Variants in AGBL4 observed in about 807,000 individuals in gnomAD.
The protein encoded by AGBL4 is cytosolic carboxypeptidase 6.
A neutral mutation model predicts 66.4 loss-of-function variants in AGBL4; 58 were observed. That is an observed-to-expected ratio of 0.87 (90% confidence interval 0.71 to 1.09). The LOEUF (loss-of-function observed/expected upper bound fraction) is 1.09, where lower values mean the gene tolerates loss of function less well. Among genes scored for constraint, AGBL4 ranks in the 50% least tolerant of loss-of-function variants. The probability of loss-of-function intolerance (pLI) is 0.00; values close to 1 mark genes in which losing one functional copy is unlikely to be tolerated. For synonymous variants in AGBL4, 234 were observed against 222.9 expected, an observed-to-expected ratio of 1.05 and a Z score of -0.44; for missense variants, 579 against 631.0, an observed-to-expected ratio of 0.92 and a Z score of 0.88.
chr1:49,176,515 C>T (rs1646834580), intron 4 of AGBL4, among the ~76,000 whole-genome samples: 1 of 152,108 alleles, frequency 6.6e-6, no homozygotes, highest in Non-Finnish European at 1.5e-5. Context: ...TCCCTGAAGT[C>T]ATAAAATAGT....
chr1:49,544,988 ACTAT>A (rs1226294546), intron 3 of AGBL4, among the ~76,000 whole-genome samples: 2 of 152,282 alleles, frequency 1.3e-5, no homozygotes, highest in Non-Finnish European at 2.9e-5. Context: ...TATGTTCCTA[ACTAT>A]CTAATATTCC....
chr1:49,508,340 C>T (rs1648884808), intron 3 of AGBL4, among the ~76,000 whole-genome samples: 1 of 151,818 alleles, frequency 6.6e-6, no homozygotes, highest in Admixed American at 6.6e-5. Context: ...TATGTAATTT[C>T]AGAAAGATAA....
chr1:48,898,553 A>G (rs527893133), intron 5 of AGBL4, among the ~76,000 whole-genome samples: 1 of 152,324 alleles, frequency 6.6e-6, no homozygotes, highest in South Asian at 2.1e-4. Flanking sequence ...CATTTATTGA[A>G]AAGACCATCC....
At chr1:49,849,529 A>G (rs1382722096) in intron 2 of AGBL4, among the ~76,000 whole-genome samples, 1 of 151,520 alleles carries the variant, frequency 6.6e-6, no homozygotes, top group Non-Finnish European at 1.5e-5. Flanking sequence ...TAAGATGGAT[A>G]GTAGGTATCA....
intron 4 of AGBL4, among the ~76,000 whole-genome samples, chr1:49,099,922 T>C (rs1645170541): frequency 6.6e-6 from 1 of 152,188 alleles, no homozygotes; most frequent in Non-Finnish European, 1.5e-5. Context: ...CTTTAATATA[T>C]GCACACAAGC....
At chr1:49,395,802 T>C (rs964711299) in intron 3 of AGBL4, among the ~76,000 whole-genome samples, 2 of 128,372 alleles carry the variant, frequency 1.6e-5, no homozygotes, top group Admixed American at 8.7e-5. Flanking sequence ...TATATATACA[T>C]ATATATATGT....
At chr1:49,540,114 A>G (rs912228140) in intron 3 of AGBL4, among the ~76,000 whole-genome samples, 44 of 152,238 alleles carry the variant, frequency 2.9e-4, no homozygotes, top group African/African-American at 1.0e-3. Flanking sequence ...ATTACAAGAC[A>G]GGAAAAATGT....
intron 3 of AGBL4, among the ~76,000 whole-genome samples, chr1:49,293,251 GCTCA>G (rs1408351959): frequency 6.6e-6 from 1 of 152,178 alleles, no homozygotes; most frequent in East Asian, 1.9e-4. Context: ...CGGACTCCAT[GCTCA>G]CTCACTCACA....
In AGBL4 at chr1:49,998,838, G is replaced by T. The variant is rs142788365; in HGVS notation, c.34+24925C>A. On this transcript the variant is annotated intron_variant, in intron 1 of 13. Coordinates refer to ENST00000371839, the MANE Select transcript of AGBL4 (RefSeq NM_032785.4). ...ACAGAATTAAAAACAAAAATCACAT[G>T]ATTATCTCGATAGATGCAGAAAAAG... Among the ~76,000 whole-genome samples the T allele has an allele frequency of 4.3e-3, 650 of 152,236 alleles. 6 individuals are homozygous for T. Among genetic ancestry groups the T allele is most frequent in the African/African-American group, 0.015 (631 of 41,540 alleles).
intron 2 of AGBL4, among the ~76,000 whole-genome samples, chr1:49,724,988 T>C (rs1049114108): frequency 2.2e-5 from 3 of 134,920 alleles, no homozygotes; most frequent in Non-Finnish European, 3.2e-5. Flanking sequence ...AATGAAGAAA[T>C]GAGGAAAGGA....
chr1:49,485,762 A>G (rs1647053612), intron 3 of AGBL4, among the ~76,000 whole-genome samples: 1 of 151,910 alleles, frequency 6.6e-6, no homozygotes, highest in Non-Finnish European at 1.5e-5. Context: ...GTGAGAACTA[A>G]AAATTAAAAC....
intron 3 of AGBL4, among the ~76,000 whole-genome samples, chr1:49,540,658 T>C (rs1651940923): frequency 6.6e-6 from 1 of 152,174 alleles, no homozygotes; most frequent in Admixed American, 6.5e-5. Context: ...ATATATATTG[T>C]TTTCCTTAAT....
intron 3 of AGBL4, among the ~76,000 whole-genome samples, chr1:49,426,136 T>C (rs1645653584): frequency 1.3e-5 from 2 of 152,202 alleles, no homozygotes; most frequent in Admixed American, 1.3e-4. Context: ...TAAACGCATA[T>C]TGAAATATTT....
chr1:49,330,153 G>C (rs986901431), intron 3 of AGBL4, among the ~76,000 whole-genome samples: 1 of 152,088 alleles, frequency 6.6e-6, no homozygotes, highest in Admixed American at 6.5e-5. Context: ...TGGTGGCTTC[G>C]CACCTGTAAT....
intron 6 of AGBL4, among the ~76,000 whole-genome samples, chr1:48,787,765 G>A (rs965848507): frequency 1.3e-5 from 2 of 152,166 alleles, no homozygotes; most frequent in African/African-American, 4.8e-5. Flanking sequence ...TAAGGGCGAG[G>A]CATTTTTTTG....
intron 1 of AGBL4, among the ~76,000 whole-genome samples, chr1:49,855,993 T>C (rs1646422867): frequency 6.6e-6 from 1 of 151,856 alleles, no homozygotes; most frequent in Non-Finnish European, 1.5e-5. Context: ...GATAAACTGC[T>C]AGCTAGCTAA....
chr1:48,716,737 G>A (rs1029007936), intron 6 of AGBL4, among the ~76,000 whole-genome samples: 12 of 152,238 alleles, frequency 7.9e-5, no homozygotes, highest in Admixed American at 2.0e-4. Flanking sequence ...GGTCAGTCCC[G>A]GGTCAGTGGA....
At chr1:49,004,119 C>T (rs907572461) in intron 5 of AGBL4, among the ~76,000 whole-genome samples, 3 of 152,216 alleles carry the variant, frequency 2.0e-5, no homozygotes, top group Non-Finnish European at 4.4e-5. Context: ...GAGCCTCCCT[C>T]TCTTACTCCG....
chr1:49,355,933 C>T (rs781161426), intron 3 of AGBL4, among the ~76,000 whole-genome samples: 11 of 152,226 alleles, frequency 7.2e-5, no homozygotes, highest in East Asian at 1.9e-4. Context: ...AAAGTTCAAC[C>T]GGAGAGACAA....
Sources: gnomAD v4.1 joint callset for allele counts (sites outside exome capture counted in the v4.1 genomes callset) on GRCh38, gnomAD v4.1.1 for gene constraint, MANE v1.5 for transcripts, NCBI Gene and HGNC (gene_info 2026-07-23, HGNC 2026-07-21) for gene names.